The following RFPL1 variants were observed in gnomAD, a reference collection of about 807,000 sequenced individuals.
The protein encoded by RFPL1 is ret finger protein-like 1.
In RFPL1, 6 loss-of-function variants were observed where a neutral mutation model predicts 9.6. That is an observed-to-expected ratio of 0.62 (90% CI 0.34 to 1.23). The LOEUF (loss-of-function observed/expected upper bound fraction) is 1.23, where lower values mean the gene tolerates loss of function less well. RFPL1 is among the 50% of genes most tolerant of loss of function. The probability of loss-of-function intolerance (pLI) is 0.03; values close to 1 mark genes in which losing one functional copy is unlikely to be tolerated. For synonymous variants in RFPL1, 145 were observed against 149.4 expected (o/e 0.97, Z 0.22); for missense variants, 352 against 398.4 (o/e 0.88, Z 0.99).
At chr22:29,421,486 T>C in the RFPL1 span, among the ~76,000 whole-genome samples, 1 of 149,752 alleles carries the variant, frequency 6.7e-6, no homozygotes, top group Non-Finnish European at 1.5e-5. Flanking sequence ...CAGCACTACG[T>C]TCACCCTGTG....
chr22:29,425,908 T>C, the RFPL1 span, among the ~76,000 whole-genome samples: 1 of 151,950 alleles, frequency 6.6e-6, no homozygotes, highest in East Asian at 1.9e-4. Context: ...AAGAAAATTA[T>C]TGATAATTTT....
At chr22:29,435,589 C>T (rs1249522395), upstream of RFPL1, among the ~76,000 whole-genome samples, 2 of 152,074 alleles carry the variant, frequency 1.3e-5, no homozygotes, top group Non-Finnish European at 2.9e-5. Flanking sequence ...GTAAAGTTAA[C>T]TTGGCTCCCT....
chr22:29,441,554 T>C lies in RFPL1; in HGVS notation c.386T>C (p.Leu129Ser), dbSNP rs2062838882. Reference sequence around the variant, plus strand: ...TTCCTTTTCACAGTGGATATGACCTTGGATGCCGACACAGCCAACAACTTC... The same window carrying C: ...TTCCTTTTCACAGTGGATATGACCTCGGATGCCGACACAGCCAACAACTTC... The change falls in exon 2 of 2, where the codon TTG (leucine) becomes TCG (serine). Residue 129 changes from leucine to serine, a missense_variant. Physicochemically the swap from Leu to Ser is moderately radical, Grantham distance 145 (BLOSUM62 -2). Transcript: ENST00000354373. 4.3e-6 allele frequency: 7 copies of C among 1,609,522 alleles called. No homozygotes were observed. In the East Asian group the frequency reaches 1.3e-4, roughly 31 times the overall value.
At chr22:29,415,346 G>C in the RFPL1 span, among the ~76,000 whole-genome samples, 83 of 152,360 alleles carry the variant, frequency 5.4e-4, no homozygotes, top group Non-Finnish European at 1.0e-3. Flanking sequence ...CCCAAGACCA[G>C]TCCTACCGTA....
At position 29,442,108 on chromosome 22, in the gene RFPL1, GGGGAGGCCAAATAA is replaced by G; in HGVS notation, c.942_*1del. 5.8e-6 allele frequency: 9 copies of G among 1,543,092 alleles called. No individual in the cohort carries two copies. The highest frequency in any genetic ancestry group is 7.9e-6 in the Non-Finnish European group (9 of 1,144,906). On this transcript the variant is annotated frameshift_variant and stop_lost, in exon 2 of 2. Coordinates refer to ENST00000354373, the Ensembl canonical transcript of RFPL1. LOFTEE classifies it high-confidence loss of function. ...CACTACTGATGCTCCAGTCCATCCT[GGGGAGGCCAAATAA>G]GCCCCCACTGCAAAAAAACAAAAAA...
At chr22:29,424,050 C>G in the RFPL1 span, among the ~76,000 whole-genome samples, 1 of 151,988 alleles carries the variant, frequency 6.6e-6, no homozygotes, top group Non-Finnish European at 1.5e-5. Flanking sequence ...CGTGGTGGTG[C>G]GTGCCTGTAA....
At chr22:29,399,299 A>G in the RFPL1 span, among the ~76,000 whole-genome samples, 1 of 151,792 alleles carries the variant, frequency 6.6e-6, no homozygotes, top group African/African-American at 2.4e-5. Flanking sequence ...TTTCATGACA[A>G]TGCTTCCCAG....
At chr22:29,417,954 T>G in the RFPL1 span, among the ~76,000 whole-genome samples, 1 of 151,062 alleles carries the variant, frequency 6.6e-6, no homozygotes, top group Non-Finnish European at 1.5e-5. Context: ...TTTTTTTTTT[T>G]TTTGAGAGGG....
chr22:29,424,477 TGA>T, the RFPL1 span, among the ~76,000 whole-genome samples: 52,667 of 151,406 alleles, frequency 0.35, 9,924 homozygotes, highest in African/African-American at 0.49. Context: ...TTACAGAAAA[TGA>T]GAAAAGGACT....
chr22:29,392,378 CTTTT>C, the RFPL1 span, among the ~76,000 whole-genome samples: 350 of 46,164 alleles, frequency 7.6e-3, 2 homozygotes, highest in East Asian at 0.016. Context: ...CCACACCTGG[CTTTT>C]TTTTTTTTTT....
the RFPL1 span, among the ~76,000 whole-genome samples, chr22:29,416,864 A>G: frequency 0.12 from 18,396 of 152,178 alleles, 1,176 homozygotes; most frequent in East Asian, 0.25. Context: ...AACAAGGTCC[A>G]TGCTCATGAC....
the RFPL1 span, among the ~76,000 whole-genome samples, chr22:29,397,333 C>A: frequency 3.3e-5 from 5 of 152,162 alleles, no homozygotes; most frequent in East Asian, 9.6e-4. Context: ...GGGGGATACA[C>A]TGATTCAGGT....
the RFPL1 span, among the ~76,000 whole-genome samples, chr22:29,405,369 TA>T: frequency 3.3e-5 from 5 of 152,164 alleles, no homozygotes; most frequent in Admixed American, 1.3e-4. Flanking sequence ...GTGATTTAGG[TA>T]AAATCACCCA....
At chr22:29,402,259 G>C in the RFPL1 span, among the ~76,000 whole-genome samples, 1 of 152,158 alleles carries the variant, frequency 6.6e-6, no homozygotes, top group Non-Finnish European at 1.5e-5. Context: ...GTTTCTGGGG[G>C]TTAAATTAGT....
chr22:29,412,175 G>A, the RFPL1 span, among the ~76,000 whole-genome samples: 4 of 152,298 alleles, frequency 2.6e-5, no homozygotes, highest in South Asian at 2.1e-4. Flanking sequence ...GACAGGACAC[G>A]AGTCAGTAGG....
chr22:29,389,794 G>GT, the RFPL1 span, among the ~76,000 whole-genome samples: 45,768 of 150,160 alleles, frequency 0.3, 7,382 homozygotes, highest in East Asian at 0.66. Context: ...TAGATCATTT[G>GT]TTTTTTTTTG....
chr22:29,423,117 A>G, the RFPL1 span: 29,866 of 1,464,840 alleles, frequency 0.02, 113 homozygotes, highest in Non-Finnish European at 0.025. Context: ...TTATTAAACA[A>G]GTAATACCTT....
exon 2 of RFPL1, chr22:29,441,674 T>A: frequency 3.7e-6 from 6 of 1,613,916 alleles, no homozygotes; most frequent in Non-Finnish European, 5.1e-6. Flanking sequence ...TCCATTTGCA[T>A]CCTGGGCTCC....
chr22:29,438,741 C>G, exon 1 of RFPL1: 1 of 1,588,132 alleles, frequency 6.3e-7, no homozygotes, highest in South Asian at 1.2e-5. Context: ...AGTGTTTGTA[C>G]TCATGGTCTT....
Sources: gnomAD v4.1 joint callset for allele counts (sites outside exome capture counted in the v4.1 genomes callset) on GRCh38, gnomAD v4.1.1 for gene constraint, MANE v1.5 for transcripts, NCBI Gene and HGNC (gene_info 2026-07-23, HGNC 2026-07-21) for gene names.